The following SLC25A12 variants were observed in gnomAD, a reference collection of about 807,000 sequenced individuals.
The protein encoded by SLC25A12 is solute carrier family 25 member 12, also known as electrogenic aspartate/glutamate antiporter SLC25A12, mitochondrial.
SLC25A12 carries 32 observed loss-of-function variants against 83.3 expected under a neutral mutation model. The ratio of observed to expected loss-of-function variants is 0.38; its 90% CI spans 0.29 to 0.52. The LOEUF is 0.52. Ranked by LOEUF, SLC25A12 falls within the 20% of genes least tolerant of loss-of-function variation. The pLI, the probability that SLC25A12 is intolerant of heterozygous loss-of-function variation, is 0.84. For missense variants in SLC25A12, 611 were observed against 835.6 expected (o/e 0.73, Z 3.31); for synonymous variants, 267 against 291.1 (o/e 0.92, Z 0.84).
chr2:171,872,314 A>G (rs1303680050), intron 2 of SLC25A12, among the ~76,000 whole-genome samples: 1 of 152,242 alleles, frequency 6.6e-6, no homozygotes, highest in Non-Finnish European at 1.5e-5. Flanking sequence ...TAGGATAAAG[A>G]AAAAGCAAAC....
At chr2:171,873,886 A>C (rs1217663276) in intron 2 of SLC25A12, among the ~76,000 whole-genome samples, 1 of 152,150 alleles carries the variant, frequency 6.6e-6, no homozygotes, top group Non-Finnish European at 1.5e-5. Context: ...ATTTAGCAAT[A>C]TATAGGTACA....
chr2:171,809,540 T>C (rs1683907793), intron 13 of SLC25A12, 66 bp downstream of exon 13: 2 of 1,172,086 alleles, frequency 1.7e-6, no homozygotes, highest in East Asian at 4.7e-5. Flanking sequence ...AAGATATCTA[T>C]TATATCTGTG....
chr2:171,814,187 G>C (rs944412105), intron 10 of SLC25A12, among the ~76,000 whole-genome samples: 2 of 151,910 alleles, frequency 1.3e-5, no homozygotes. Flanking sequence ...TTTGAGTTCA[G>C]GCTTATCTTA....
At chr2:171,868,056 C>T (rs1043846722) in intron 3 of SLC25A12, among the ~76,000 whole-genome samples, 3 of 151,968 alleles carry the variant, frequency 2.0e-5, no homozygotes, top group African/African-American at 4.8e-5. Context: ...CCATGTTAGC[C>T]GGGATGGTCT....
chr2:171,854,283 A>G (rs889341042), intron 4 of SLC25A12, among the ~76,000 whole-genome samples: 3 of 152,174 alleles, frequency 2.0e-5, no homozygotes, highest in Admixed American at 2.0e-4. Flanking sequence ...AACTCTGCAT[A>G]GCAGGCCAGG....
intron 9 of SLC25A12, 50 bp downstream of exon 9, chr2:171,826,748 A>C: frequency 9.9e-7 from 1 of 1,010,924 alleles, no homozygotes. Flanking sequence ...TATTTAGTCT[A>C]CTAGTTCAGC....
chr2:171,867,894 G>C (rs1313280652), intron 3 of SLC25A12, among the ~76,000 whole-genome samples: 2 of 152,190 alleles, frequency 1.3e-5, no homozygotes, highest in East Asian at 1.9e-4. Flanking sequence ...GCCCAGGCTA[G>C]AGTGCAGTGG....
chr2:171,845,207 T>C (rs1301059059), intron 4 of SLC25A12, among the ~76,000 whole-genome samples: 2 of 152,166 alleles, frequency 1.3e-5, no homozygotes, highest in African/African-American at 4.8e-5. Context: ...AATTTTTAGA[T>C]AGGAACTAGT....
intron 13 of SLC25A12, 102 bp downstream of exon 13, chr2:171,809,504 C>A (rs779653072): frequency 3.5e-4 from 311 of 894,840 alleles, no homozygotes; most frequent in Non-Finnish European, 5.0e-4. Context: ...TGCTTAGAAT[C>A]CCTTGAGTTC....
intron 6 of SLC25A12, among the ~76,000 whole-genome samples, chr2:171,836,351 A>G (rs931162597): frequency 2.6e-5 from 4 of 152,232 alleles, no homozygotes; most frequent in Non-Finnish European, 4.4e-5. Flanking sequence ...AAACTTATAC[A>G]TAAGTACAAC....
chr2:171,784,976 T>C lies in SLC25A12; in HGVS notation c.*298A>G. ...GCCAAGATGTCTCTGTACAAAGATG[T>C]ACAATATGTACAATCACTGTAAGTG... On this transcript the variant is annotated 3_prime_UTR_variant, in exon 18 of 18. Coordinates refer to ENST00000422440, the MANE Select transcript of SLC25A12 (RefSeq NM_003705.5). 1 of 378,056 alleles carries C rather than the reference T, an allele frequency of 2.6e-6. No individual in the cohort carries two copies. Among genetic ancestry groups the C allele is most frequent in the South Asian group, 2.3e-5 (1 of 44,022 alleles). The allele number at this position is 378,056 out of a possible 1,614,324, so 23.4% of individuals were successfully genotyped here.
chr2:171,866,770 C>A (rs1332689946), intron 3 of SLC25A12, among the ~76,000 whole-genome samples: 1 of 137,892 alleles, frequency 7.3e-6, no homozygotes, highest in Non-Finnish European at 1.6e-5. Flanking sequence ...GGGGCTGACC[C>A]CCCCCACCTC....
chr2:171,820,533 G>C (rs57566326), intron 9 of SLC25A12, among the ~76,000 whole-genome samples: 105,317 of 139,118 alleles, frequency 0.76, 41,148 homozygotes, highest in East Asian at 0.89. Flanking sequence ...TCGAGACCAT[G>C]CCGGCTAAAA....
rs1480310531 is a variant in SLC25A12, at chr2:171,809,627, T to C, written c.1284A>G (p.Ala428=). 1 of 1,614,032 alleles carries C rather than the reference T, an allele frequency of 6.2e-7. No individual in the cohort carries two copies. Among genetic ancestry groups the C allele is most frequent in the East Asian group, 2.2e-5 (1 of 44,880 alleles). ...TRRDGSVPLP[A]EVLAGGCAGG... is the part of the protein sequence containing the mutation. Reference sequence around the variant, plus strand: ...TTACACAGCCTCCAGCAAGAACTTCTGCTGGAAGTGGAACAGAGCCATCTC... The same window carrying C: ...TTACACAGCCTCCAGCAAGAACTTCCGCTGGAAGTGGAACAGAGCCATCTC... Residue 428 remains alanine, a synonymous_variant, in exon 13 of 18, where the codon GCA becomes GCG. Coordinates refer to ENST00000422440, the MANE Select transcript of SLC25A12 (RefSeq NM_003705.5).
intron 4 of SLC25A12, among the ~76,000 whole-genome samples, chr2:171,846,484 C>T (rs533823914): frequency 3.3e-5 from 5 of 151,966 alleles, no homozygotes; most frequent in Non-Finnish European, 7.4e-5. Context: ...AATGCAAAAG[C>T]GTTCAAGCTA....
intron 3 of SLC25A12, among the ~76,000 whole-genome samples, chr2:171,863,101 C>T (rs937569373): frequency 6.6e-6 from 1 of 152,064 alleles, no homozygotes; most frequent in Non-Finnish European, 1.5e-5. Flanking sequence ...TGGGGTTTCA[C>T]CATGTTGTCC....
In SLC25A12 at chr2:171,819,613, G is replaced by T. The variant is rs80037549; in HGVS notation, c.931-4411C>A. On this transcript the variant is annotated intron_variant, in intron 9 of 17. Transcript: ENST00000422440. ...TGAGTTAAATTTAAATGAGTTAAAT[G>T]ACTAATAAATAATAGCTAATAATAG... Among the ~76,000 whole-genome samples the T allele has an allele frequency of 2.9e-3, 436 of 150,554 alleles. 8 individuals carry two copies. In the East Asian group the frequency reaches 0.061, roughly 21 times the overall value.
chr2:171,827,028 T>C, intron 8 of SLC25A12, 146 bp from the exon 9 acceptor site: 2 of 651,392 alleles, frequency 3.1e-6, no homozygotes, highest in Admixed American at 5.6e-5. Flanking sequence ...TTTAGTGAAA[T>C]AAAAACCTTT....
At chr2:171,815,780 C>G (rs914584190) in intron 9 of SLC25A12, among the ~76,000 whole-genome samples, 2 of 151,996 alleles carry the variant, frequency 1.3e-5, no homozygotes, top group Non-Finnish European at 2.9e-5. Flanking sequence ...AAGAAAGGAT[C>G]TAAGATAACT....
Sources: gnomAD v4.1 joint callset for allele counts (sites outside exome capture counted in the v4.1 genomes callset) on GRCh38, gnomAD v4.1.1 for gene constraint, MANE v1.5 for transcripts, NCBI Gene and HGNC (gene_info 2026-07-23, HGNC 2026-07-21) for gene names.